The following DDB1 variants were observed in gnomAD, a reference collection of about 807,000 sequenced individuals.
DDB1 encodes DNA damage-binding protein 1.
DDB1 carries 18 observed loss-of-function variants against 133.1 expected under a neutral mutation model. That is an observed-to-expected ratio of 0.14 (90% CI 0.09 to 0.20). DDB1 has a LOEUF of 0.20. DDB1 is among the 10% of genes least tolerant of loss of function. The pLI, the probability that DDB1 is intolerant of heterozygous loss-of-function variation, is 1.00. For missense variants in DDB1, 828 were observed against 1,459.2 expected, an observed-to-expected ratio of 0.57 and a Z score of 7.05; for synonymous variants, 580 against 550.5, an observed-to-expected ratio of 1.05 and a Z score of -0.75.
At chr11:61,315,073 C>A (rs2134913926) in intron 12 of DDB1, 1 of 152,202 alleles carries the variant, frequency 6.6e-6, no homozygotes, top group East Asian at 1.9e-4. Flanking sequence ...CATGATCCAC[C>A]TGCCTTGGCC....
At chr11:61,303,619 G>C (rs1855834483) in intron 22 of DDB1, among the ~76,000 whole-genome samples, 1 of 150,214 alleles carries the variant, frequency 6.7e-6, no homozygotes, top group East Asian at 1.9e-4. Flanking sequence ...CAGGAGAATG[G>C]CGTGAACCTG....
chr11:61,319,883 T>G (rs1392988850), intron 10 of DDB1, among the ~76,000 whole-genome samples: 4 of 152,252 alleles, frequency 2.6e-5, no homozygotes, highest in African/African-American at 9.6e-5. Flanking sequence ...GTACTTGGTG[T>G]GTCTTTTTCG....
chr11:61,308,233 G>A (rs1270379648), intron 21 of DDB1, among the ~76,000 whole-genome samples: 4 of 152,002 alleles, frequency 2.6e-5, no homozygotes, highest in East Asian at 1.9e-4. Flanking sequence ...CACCAGGCCC[G>A]CCCACTCTCA....
chr11:61,321,858 C>T (rs1856185336), intron 9 of DDB1, 161 bp from the exon 10 acceptor site: 1 of 645,270 alleles, frequency 1.5e-6, no homozygotes, highest in African/African-American at 1.8e-5. Context: ...CAAAGTCTTT[C>T]AAATTTACAG....
chr11:61,301,989 G>C (rs756630315), intron 25 of DDB1: 1 of 319,820 alleles, frequency 3.1e-6, no homozygotes, highest in Non-Finnish European at 5.9e-6. Flanking sequence ...GAGAGGGCCA[G>C]AGGCGGACAC....
intron 25 of DDB1, 77 bp downstream of exon 25, chr11:61,302,180 T>A: frequency 7.8e-7 from 1 of 1,276,268 alleles, no homozygotes. Context: ...ATGTAGTAGC[T>A]TCCGGGTAAT....
At chr11:61,303,340 T>C (rs1333075531) in intron 22 of DDB1, 185 bp from the exon 23 acceptor site, 1 of 559,124 alleles carries the variant, frequency 1.8e-6, no homozygotes, top group East Asian at 3.3e-5. Flanking sequence ...CCCATTTGGT[T>C]GCCAACTGCC....
chr11:61,313,438 A>G, intron 16 of DDB1, 61 bp downstream of exon 16: 1 of 1,480,866 alleles, frequency 6.8e-7, no homozygotes, highest in Non-Finnish European at 9.4e-7. Flanking sequence ...TAAGGGTTTG[A>G]GGAAAACATC....
At chr11:61,320,537 T>C (rs74571451) in intron 10 of DDB1, among the ~76,000 whole-genome samples, 8,288 of 152,038 alleles carry the variant, frequency 0.055, 696 homozygotes, top group African/African-American at 0.18. Flanking sequence ...TCCCATACTT[T>C]TTTTTTCATA....
intron 26 of DDB1, 103 bp downstream of exon 26, chr11:61,300,706 G>A (rs1855778712): frequency 2.6e-6 from 4 of 1,521,414 alleles, no homozygotes; most frequent in Non-Finnish European, 3.6e-6. Context: ...AGGTCCCCTC[G>A]CATCTTGGAA....
At chr11:61,312,346 G>A (rs902090943) in intron 16 of DDB1, among the ~76,000 whole-genome samples, 52 of 152,236 alleles carry the variant, frequency 3.4e-4, no homozygotes, top group African/African-American at 1.1e-3. Flanking sequence ...AAAAATCAAC[G>A]CTCCAGGAAT....
intron 10 of DDB1, among the ~76,000 whole-genome samples, chr11:61,320,562 T>C (rs374794328): frequency 1.3e-5 from 2 of 152,058 alleles, no homozygotes; most frequent in African/African-American, 2.4e-5. Flanking sequence ...GAATTACTCC[T>C]TTTTTTAAAT....
chr11:61,327,939 C>A (rs1856295346), intron 4 of DDB1, among the ~76,000 whole-genome samples: 2 of 152,322 alleles, frequency 1.3e-5, no homozygotes, highest in Non-Finnish European at 1.5e-5. Context: ...TGGCATAAAA[C>A]AGAAGATAGT....
intron 24 of DDB1, 95 bp downstream of exon 24, chr11:61,302,487 C>A (rs1430988632): frequency 6.3e-7 from 1 of 1,586,534 alleles, no homozygotes; most frequent in East Asian, 2.2e-5. Context: ...CTAGTAAACA[C>A]CTAGGTCTTG....
rs560898354 is a variant in DDB1 at position 61,314,220 on chromosome 11, G to C, written c.1590-10C>G. ...TTCCATCTCTGTGTGGCTGAACAAA[G>C]AAGAATATGGCAGAGGAAGGAATCC... On this transcript the variant is annotated splice_polypyrimidine_tract_variant and intron_variant, in intron 13 of 26. Coordinates refer to ENST00000301764, the MANE Select transcript of DDB1 (RefSeq NM_001923.5). 4.8e-5 allele frequency: 77 copies of C among 1,595,988 alleles called. No homozygotes were observed. The highest frequency in any genetic ancestry group is 6.1e-5 in the Non-Finnish European group (72 of 1,170,924).
Position 61,299,894 on chromosome 11 carries a change from C to T in DDB1, c.*242G>A. The T allele has an allele frequency of 1.8e-6, 1 of 560,844 alleles. No homozygotes were observed. Among genetic ancestry groups the T allele is most frequent in the African/African-American group, 1.9e-5 (1 of 53,124 alleles). The allele number at this position is 560,844 out of a possible 1,614,324, so 34.7% of individuals were successfully genotyped here. On this transcript the variant is annotated 3_prime_UTR_variant, in exon 27 of 27. Transcript: ENST00000301764. The stretch of plus-strand genomic sequence containing the variant: ...GCAACACCAATCAAGGCTTGGTGGT[C>T]TAAGGTGATGGCTGGAATCATGTGA...
Position 61,306,680 on chromosome 11 carries a change from CAG to C in DDB1, c.2661+2301_2661+2302del, listed in dbSNP as rs1440497555. Among the ~76,000 whole-genome samples the C allele has an allele frequency of 4.6e-5, 7 of 152,304 alleles. No individual in the cohort carries two copies. The East Asian group carries it at 1.3e-3, about 29-fold the overall frequency. ...TCGTGTCCTCCGCTCTGCCTCTTCT[CAG>C]ATGCTCATAGTCCACCACCATAATC... On this transcript the variant is annotated intron_variant, in intron 21 of 26. Transcript: ENST00000301764.
Position 61,329,985 on chromosome 11 carries a change from G to C in DDB1, c.300C>G (p.Ile100Met). Residue 100 changes from isoleucine to methionine, a missense_variant, in exon 3 of 27, where the codon ATC (isoleucine) becomes ATG (methionine). By Grantham distance (10) the Ile-to-Met change is conservative. Around this residue, in one of 7 missense-constraint regions of DDB1, gnomAD observed 210 missense variants for 344.8 expected, o/e 0.61. Transcript: ENST00000301764. ...EYKQSGESID[I>M]ITRAHGNVQD... ...GGACATTGCCATGGGCTCGCGTAAT[G>C]ATGTCAATGCTCTCGCCACTCTGTT... 6.2e-7 allele frequency: 1 copy of C among 1,613,478 alleles called. No individual in the cohort carries two copies. Among genetic ancestry groups the C allele is most frequent in the Non-Finnish European group, 8.5e-7 (1 of 1,179,494 alleles).
intron 22 of DDB1, 117 bp downstream of exon 22, chr11:61,303,748 T>A: frequency 1.7e-5 from 14 of 810,584 alleles, no homozygotes; most frequent in African/African-American, 3.6e-5. Context: ...GAATGTCTGC[T>A]CCGGGGAAAA....
Sources: allele counts gnomAD v4.1 joint callset (sites outside exome capture counted in the v4.1 genomes callset), GRCh38; gene constraint gnomAD v4.1.1; regional missense constraint gnomAD v4.1.1; transcripts MANE v1.5; gene names NCBI Gene and HGNC (gene_info 2026-07-23, HGNC 2026-07-21).